The following SNTB1 variants were observed in gnomAD, a reference collection of about 807,000 sequenced individuals.
SNTB1 encodes syntrophin beta 1, also known as beta-1-syntrophin.
A neutral mutation model predicts 48.9 loss-of-function variants in SNTB1; 36 were observed. The ratio of observed to expected loss-of-function variants is 0.74; its 90% confidence interval spans 0.56 to 0.97. The LOEUF is 0.97. SNTB1 is among the 50% of genes least tolerant of loss of function. The probability of loss-of-function intolerance (pLI) is 0.00; values close to 1 mark genes in which losing one functional copy is unlikely to be tolerated. For synonymous variants in SNTB1, 299 were observed against 294.6 expected, an observed-to-expected ratio of 1.01 and a Z score of -0.15; for missense variants, 786 against 703.4, an observed-to-expected ratio of 1.12 and a Z score of -1.33.
At position 120,656,296 on chromosome 8, in the gene SNTB1, T is replaced by C. The variant is rs542639548; in HGVS notation, c.789-23645A>G. ...TTTCAAAAACAGGTCATGCATGATA[T>C]AGTATTCTGCTAAGCTCTGAGGGAA... On this transcript the variant is annotated intron_variant, in intron 2 of 6. Transcript: ENST00000517992. Among the ~76,000 whole-genome samples, 5 of 152,322 alleles carry C rather than the reference T, an allele frequency of 3.3e-5. No individual in the cohort carries two copies. The South Asian group carries it at 1.0e-3, about 32-fold the overall frequency.
intron 1 of SNTB1, among the ~76,000 whole-genome samples, chr8:120,730,958 T>G (rs760240038): frequency 2.0e-5 from 3 of 151,910 alleles, no homozygotes; most frequent in Non-Finnish European, 2.9e-5. Context: ...CGGTCTCTAC[T>G]AAAAATACAA....
chr8:120,693,183 G>A (rs998467004), intron 2 of SNTB1, among the ~76,000 whole-genome samples: 2 of 152,138 alleles, frequency 1.3e-5, no homozygotes, highest in Non-Finnish European at 1.5e-5. Context: ...CGGGCACCAA[G>A]CCATTCATGA....
At chr8:120,620,039 T>C (rs1331233200) in intron 3 of SNTB1, among the ~76,000 whole-genome samples, 1 of 152,156 alleles carries the variant, frequency 6.6e-6, no homozygotes, top group Non-Finnish European at 1.5e-5. Context: ...GTAAAAAAAG[T>C]CCAGTACAAC....
chr8:120,549,770 T>TC (rs1815447681), intron 4 of SNTB1, among the ~76,000 whole-genome samples: 4 of 152,238 alleles, frequency 2.6e-5, no homozygotes, highest in African/African-American at 9.6e-5. Flanking sequence ...TTCATGTCTC[T>TC]CCTACTCCTC....
At chr8:120,732,910 A>T (rs1213642315) in intron 1 of SNTB1, among the ~76,000 whole-genome samples, 1 of 152,260 alleles carries the variant, frequency 6.6e-6, no homozygotes, top group Admixed American at 6.5e-5. Flanking sequence ...GGCATGAGCC[A>T]ACTCTGCCTG....
intron 1 of SNTB1, among the ~76,000 whole-genome samples, chr8:120,742,723 C>T (rs1157496524): frequency 6.6e-6 from 1 of 152,162 alleles, no homozygotes; most frequent in Non-Finnish European, 1.5e-5. Context: ...ACATTTCCTT[C>T]CTTTTTCCAG....
chr8:120,726,524 A>G (rs989099751), intron 1 of SNTB1, among the ~76,000 whole-genome samples: 3 of 152,226 alleles, frequency 2.0e-5, no homozygotes, highest in Non-Finnish European at 4.4e-5. Context: ...TTCAGATAAC[A>G]TGTGAGATGA....
intron 1 of SNTB1, among the ~76,000 whole-genome samples, chr8:120,772,577 T>C (rs909857243): frequency 3.9e-5 from 6 of 152,228 alleles, no homozygotes; most frequent in Admixed American, 6.5e-5. Flanking sequence ...TGTGTGTGTT[T>C]GTGTATGTGT....
chr8:120,784,912 T>C lies in SNTB1; in HGVS notation c.571+26361A>G, dbSNP rs140964915. 7.2e-5 allele frequency among the ~76,000 whole-genome samples: 11 copies of C among 152,274 alleles called. No individual in the cohort carries two copies. The East Asian group carries it at 1.9e-3, about 27-fold the overall frequency. ...TTAAGGAGGGGAGAGACTGCCTCTA[T>C]GACACAACCCCACACTGGGGAGTCC... On this transcript the variant is annotated intron_variant, in intron 1 of 6. Transcript: ENST00000517992.
At chr8:120,754,271 T>C (rs1260678713) in intron 1 of SNTB1, among the ~76,000 whole-genome samples, 1 of 152,048 alleles carries the variant, frequency 6.6e-6, no homozygotes, top group African/African-American at 2.4e-5. Flanking sequence ...GGCAGGTGGA[T>C]TGCTTGAGTC....
intron 2 of SNTB1, 55 bp downstream of exon 2, chr8:120,693,637 A>T: frequency 6.7e-7 from 1 of 1,491,324 alleles, no homozygotes. Context: ...GCCCCCATTT[A>T]GCCTGAGAGG....
intron 2 of SNTB1, among the ~76,000 whole-genome samples, chr8:120,676,661 G>C (rs1450781229): frequency 6.6e-6 from 1 of 152,178 alleles, no homozygotes; most frequent in Non-Finnish European, 1.5e-5. Context: ...CTCACCCTAT[G>C]AAGGATTCCA....
At chr8:120,571,411 C>A (rs761487220) in intron 4 of SNTB1, 15 of 1,094,582 alleles carry the variant, frequency 1.4e-5, no homozygotes, top group Non-Finnish European at 1.8e-5. Context: ...GCCGAATTCT[C>A]ATGGACCCCA....
At chr8:120,805,731 C>T (rs1476888781) in intron 1 of SNTB1, among the ~76,000 whole-genome samples, 1 of 152,150 alleles carries the variant, frequency 6.6e-6, no homozygotes, top group Non-Finnish European at 1.5e-5. Flanking sequence ...AAAACTAGTA[C>T]ACCAGAAAAG....
intron 3 of SNTB1, among the ~76,000 whole-genome samples, chr8:120,595,185 A>G: frequency 6.6e-6 from 1 of 152,068 alleles, no homozygotes; most frequent in Non-Finnish European, 1.5e-5. Context: ...CTTGAATAGG[A>G]GCTGGGTAAA....
intron 6 of SNTB1, among the ~76,000 whole-genome samples, chr8:120,540,134 G>T (rs1422002766): frequency 6.6e-6 from 1 of 152,128 alleles, no homozygotes; most frequent in Non-Finnish European, 1.5e-5. Context: ...AGAAAGAAAC[G>T]AAAGGACTTC....
chr8:120,654,124 C>T (rs1726074857), intron 2 of SNTB1, among the ~76,000 whole-genome samples: 1 of 145,148 alleles, frequency 6.9e-6, no homozygotes, highest in Admixed American at 6.9e-5. Flanking sequence ...TTTTATAGCC[C>T]AGAAAGAAAA....
At position 120,685,338 on chromosome 8, in the gene SNTB1, G is replaced by A. The variant is rs1035201873; in HGVS notation, c.788+8354C>T. 8.5e-5 allele frequency among the ~76,000 whole-genome samples: 13 copies of A among 152,210 alleles called. 1 individual carries two copies. Among genetic ancestry groups the A allele is most frequent in the African/African-American group, 2.9e-4 (12 of 41,464 alleles). Reference sequence around the variant, plus strand: ...CTTTCTGGGCCCCAAGGCCCCACACGGCGTCCTTTGAAATCTAGGTGGAGA... The same window carrying A: ...CTTTCTGGGCCCCAAGGCCCCACACAGCGTCCTTTGAAATCTAGGTGGAGA... On this transcript the variant is annotated intron_variant, in intron 2 of 6. Coordinates refer to ENST00000517992, the MANE Select transcript of SNTB1 (RefSeq NM_021021.4).
At chr8:120,777,455 G>T (rs182484578) in intron 1 of SNTB1, among the ~76,000 whole-genome samples, 1 of 152,214 alleles carries the variant, frequency 6.6e-6, no homozygotes, top group East Asian at 1.9e-4. Context: ...AAAATCAGCC[G>T]CTAGATTTTG....
Sources: gnomAD v4.1 joint callset for allele counts (sites outside exome capture counted in the v4.1 genomes callset) on GRCh38, gnomAD v4.1.1 for gene constraint, MANE v1.5 for transcripts, NCBI Gene and HGNC (gene_info 2026-07-23, HGNC 2026-07-21) for gene names.